Variants in CHRNA7 observed in about 807,000 individuals in gnomAD.
CHRNA7 encodes cholinergic receptor nicotinic alpha 7 subunit.
In CHRNA7, 17 loss-of-function variants were observed where a neutral mutation model predicts 48.0. That is an observed-to-expected ratio of 0.35 (90% CI 0.24 to 0.53). The LOEUF (loss-of-function observed/expected upper bound fraction) is 0.53. Ranked by LOEUF, CHRNA7 falls within the 20% of genes least tolerant of loss-of-function variation. The probability of loss-of-function intolerance (pLI) is 0.92; values close to 1 mark genes in which losing one functional copy is unlikely to be tolerated. For missense variants in CHRNA7, 155 were observed against 577.7 expected, an observed-to-expected ratio of 0.27 and a Z score of 7.50; for synonymous variants, 75 against 242.3, an observed-to-expected ratio of 0.31 and a Z score of 6.41.
chr15:32,104,371 C>G (rs375737454), intron 3 of CHRNA7, among the ~76,000 whole-genome samples: 15 of 152,218 alleles, frequency 9.9e-5, no homozygotes, highest in South Asian at 6.2e-4. Flanking sequence ...TGATCTCTTC[C>G]TAAAGGTCAA....
intron 4 of CHRNA7, among the ~76,000 whole-genome samples, chr15:32,147,289 A>G (rs1333552055): frequency 1.3e-5 from 2 of 152,220 alleles, no homozygotes; most frequent in African/African-American, 4.8e-5. Context: ...AAACTACTGG[A>G]TACTCTGCTC....
intron 3 of CHRNA7, among the ~76,000 whole-genome samples, chr15:32,109,962 TC>T (rs1172552580): frequency 6.6e-6 from 1 of 152,056 alleles, no homozygotes; most frequent in African/African-American, 2.4e-5. Flanking sequence ...CCAGTTCCTG[TC>T]TCCCCTCCCT....
chr15:32,082,339 A>T (rs1566826028), intron 2 of CHRNA7, among the ~76,000 whole-genome samples: 1 of 150,618 alleles, frequency 6.6e-6, no homozygotes, highest in East Asian at 1.9e-4. Flanking sequence ...TGATTATTAG[A>T]TTTTTTTTGT....
intron 2 of CHRNA7, among the ~76,000 whole-genome samples, chr15:32,042,050 T>TTTA (rs1224971034): frequency 6.6e-6 from 1 of 152,246 alleles, no homozygotes. Context: ...GTTTTTTGCC[T>TTTA]TTTAGTATGC....
In CHRNA7 at chr15:32,036,774, GTT is replaced by G. The variant is rs36093665; in HGVS notation, c.195+5751_195+5752del. Among the ~76,000 whole-genome samples, 649 of 134,336 alleles carry G rather than the reference GTT, an allele frequency of 4.8e-3. 4 individuals are homozygous for G. The highest frequency in any genetic ancestry group is 0.012 in the African/African-American group (453 of 37,234). 88.1% of individuals were successfully genotyped at this position (134,336 alleles called of 152,430 possible). On this transcript the variant is annotated intron_variant, in intron 2 of 9. Transcript: ENST00000306901. ...AGGTCTTTGGCCAAGTTTTCAGTGG[GTT>G]TTTTTTTTTTTTTCTTATTTCTGAA...
At chr15:32,062,474 C>G (rs904676046) in intron 2 of CHRNA7, among the ~76,000 whole-genome samples, 1 of 152,144 alleles carries the variant, frequency 6.6e-6, no homozygotes, top group Non-Finnish European at 1.5e-5. Flanking sequence ...TATCCCCAAA[C>G]TCTCCAGTAG....
intron 3 of CHRNA7, among the ~76,000 whole-genome samples, chr15:32,104,620 G>C (rs996916542): frequency 6.6e-6 from 1 of 152,154 alleles, no homozygotes; most frequent in African/African-American, 2.4e-5. Context: ...CGTACCCACA[G>C]CCCCTAGTTC....
chr15:32,095,857 GACAGAATC>G (rs1338801790), intron 2 of CHRNA7, among the ~76,000 whole-genome samples: 1 of 152,174 alleles, frequency 6.6e-6, no homozygotes, highest in African/African-American at 2.4e-5. Context: ...CAACAAGGAG[GACAGAATC>G]ACATCATGGT....
At chr15:32,148,949 G>A (rs1163394373) in intron 4 of CHRNA7, among the ~76,000 whole-genome samples, 4 of 152,108 alleles carry the variant, frequency 2.6e-5, no homozygotes, top group South Asian at 2.1e-4. Flanking sequence ...TCCTACCCCC[G>A]CTAAGGACAC....
chr15:32,123,534 G>C (rs2141302219), intron 4 of CHRNA7, among the ~76,000 whole-genome samples: 1 of 152,238 alleles, frequency 6.6e-6, no homozygotes, highest in African/African-American at 2.4e-5. Context: ...AAACAGATAG[G>C]GAAAGAAGCT....
chr15:32,156,584 G>A (rs1009934176), intron 5 of CHRNA7: 2 of 25,332 alleles, frequency 7.9e-5, no homozygotes, highest in East Asian at 1.5e-3. Flanking sequence ...GCACATGAGT[G>A]TAAATAACTG....
intron 3 of CHRNA7, chr15:32,102,119 C>CT (rs1566839473): frequency 6.7e-6 from 1 of 150,272 alleles, no homozygotes; most frequent in East Asian, 1.9e-4. Flanking sequence ...TTGAAAGTCT[C>CT]TTTTTTGTTT....
chr15:32,127,678 CTT>C (rs1206381019), intron 4 of CHRNA7, among the ~76,000 whole-genome samples: 2 of 151,954 alleles, frequency 1.3e-5, no homozygotes, highest in Admixed American at 6.6e-5. Context: ...TATTTTTACT[CTT>C]GAGATTTAAG....
At chr15:32,030,723 C>A in intron 1 of CHRNA7, 74 bp downstream of exon 1, 1 of 1,534,970 alleles carries the variant, frequency 6.5e-7, no homozygotes, top group Non-Finnish European at 8.7e-7. Context: ...CTGTGCGCCC[C>A]GCGCCTGGGC....
At chr15:32,147,891 G>A (rs1379829469) in intron 4 of CHRNA7, among the ~76,000 whole-genome samples, 1 of 152,170 alleles carries the variant, frequency 6.6e-6, no homozygotes, top group Non-Finnish European at 1.5e-5. Flanking sequence ...TCTGCAATCT[G>A]GGCATTGCTT....
At chr15:32,111,095 C>T (rs1165371418) in intron 3 of CHRNA7, 1 of 152,188 alleles carries the variant, frequency 6.6e-6, no homozygotes. Context: ...GCACCTGATC[C>T]TCGGAGGGAT....
At chr15:32,126,216 C>T (rs8025554) in intron 4 of CHRNA7, among the ~76,000 whole-genome samples, 1 of 151,912 alleles carries the variant, frequency 6.6e-6, no homozygotes, top group Non-Finnish European at 1.5e-5. Context: ...GTAAGCAGAA[C>T]GTAGTATGGA....
intron 4 of CHRNA7, among the ~76,000 whole-genome samples, chr15:32,124,365 G>A (rs2051029057): frequency 6.6e-6 from 1 of 152,146 alleles, no homozygotes; most frequent in African/African-American, 2.4e-5. Context: ...TTATGTTGCA[G>A]TGTGACTGCA....
At chr15:32,123,499 T>C (rs1042733274) in intron 4 of CHRNA7, among the ~76,000 whole-genome samples, 1 of 152,206 alleles carries the variant, frequency 6.6e-6, no homozygotes, top group African/African-American at 2.4e-5. Flanking sequence ...ATGAACATTA[T>C]TTTAAACTGA....
Sources: allele counts gnomAD v4.1 joint callset (sites outside exome capture counted in the v4.1 genomes callset), GRCh38; gene constraint gnomAD v4.1.1; transcripts MANE v1.5; gene names NCBI Gene and HGNC (gene_info 2026-07-23, HGNC 2026-07-21).